Variants in SHISA5 observed in about 807,000 individuals in gnomAD.
The protein encoded by SHISA5 is protein shisa-5.
Under a neutral mutation model 27.5 loss-of-function variants are expected in SHISA5, and 21 were observed. The ratio of observed to expected loss-of-function variants is 0.76; its 90% confidence interval spans 0.54 to 1.10. The LOEUF (loss-of-function observed/expected upper bound fraction) is 1.10, where lower values mean the gene tolerates loss of function less well. Among genes scored for constraint, SHISA5 ranks in the 50% least tolerant of loss-of-function variants. SHISA5 has a pLI of 0.00. For synonymous variants in SHISA5, 137 were observed against 142.2 expected, an observed-to-expected ratio of 0.96 and a Z score of 0.26; for missense variants, 314 against 336.3, an observed-to-expected ratio of 0.93 and a Z score of 0.52.
rs1338054986 is a variant in SHISA5, at chr3:48,486,663, C to T, written c.234-7406G>A. 2.1e-5 allele frequency among the ~76,000 whole-genome samples: 3 copies of T among 140,162 alleles called. No homozygotes were observed. The South Asian group carries it at 6.4e-4, about 30-fold the overall frequency. The allele number at this position is 140,162 out of a possible 152,430, so 92.0% of individuals were successfully genotyped here. On this transcript the variant is annotated intron_variant, in intron 2 of 5. Coordinates refer to ENST00000296444, the MANE Select transcript of SHISA5 (RefSeq NM_016479.6). Reference sequence around the variant, plus strand: ...ATCCCAGCACTTTGGGAGGCGGAGGCGGGTGGATCACCTGAGGTCAGGAGT... The same window carrying T: ...ATCCCAGCACTTTGGGAGGCGGAGGTGGGTGGATCACCTGAGGTCAGGAGT...
intron 2 of SHISA5, among the ~76,000 whole-genome samples, chr3:48,495,918 A>T (rs1213592568): frequency 2.0e-5 from 3 of 147,158 alleles, no homozygotes; most frequent in African/African-American, 8.1e-5. Flanking sequence ...TGGGAGGCCA[A>T]GGAGGGCAGA....
At chr3:48,503,730 T>C in intron 1 of SHISA5, 1 of 1,210,996 alleles carries the variant, frequency 8.3e-7, no homozygotes, top group Non-Finnish European at 1.0e-6. Flanking sequence ...CCCTAGCCTC[T>C]GGGGACTCCA....
intron 2 of SHISA5, among the ~76,000 whole-genome samples, chr3:48,484,499 G>A (rs1361657897): frequency 6.6e-6 from 1 of 152,124 alleles, no homozygotes; most frequent in Non-Finnish European, 1.5e-5. Flanking sequence ...AGGAGGCGGA[G>A]ACAGGAGAAT....
Position 48,495,082 on chromosome 3 carries a change from C to G in SHISA5, c.233+6055G>C, listed in dbSNP as rs1452754249. Among the ~76,000 whole-genome samples, 10 of 146,804 alleles carry G rather than the reference C, an allele frequency of 6.8e-5. No individual in the cohort carries two copies. In the East Asian group the frequency reaches 1.9e-3, roughly 28 times the overall value. On this transcript the variant is annotated intron_variant, in intron 2 of 5. Transcript: ENST00000296444. Reference sequence around the variant, plus strand: ...TCAGCCTCCCAAAGTGCTGGGATTACAGGTGTGAGCCACTCCACCTAGCCT... The same window carrying G: ...TCAGCCTCCCAAAGTGCTGGGATTAGAGGTGTGAGCCACTCCACCTAGCCT...
chr3:48,489,855 C>A (rs374104617), intron 2 of SHISA5, among the ~76,000 whole-genome samples: 19 of 151,824 alleles, frequency 1.3e-4, no homozygotes, highest in African/African-American at 4.6e-4. Flanking sequence ...GTCTTGAACT[C>A]CTGGGCTCAA....
At chr3:48,494,974 AT>A (rs1414758482) in intron 2 of SHISA5, among the ~76,000 whole-genome samples, 3 of 145,384 alleles carry the variant, frequency 2.1e-5, no homozygotes, top group African/African-American at 5.5e-5. Context: ...TTATATATCT[AT>A]TTTTTTTTCT....
intron 2 of SHISA5, among the ~76,000 whole-genome samples, chr3:48,499,250 C>T (rs1444144030): frequency 6.6e-6 from 1 of 152,118 alleles, no homozygotes; most frequent in Non-Finnish European, 1.5e-5. Context: ...TCACGACTTA[C>T]TGCAGTCTCA....
intron 1 of SHISA5, chr3:48,503,813 G>A: frequency 7.9e-7 from 1 of 1,258,386 alleles, no homozygotes. Flanking sequence ...CAGCTGCCTG[G>A]TGTCTAGGCA....
At chr3:48,484,092 T>G (rs2041120428) in intron 2 of SHISA5, among the ~76,000 whole-genome samples, 1 of 152,132 alleles carries the variant, frequency 6.6e-6, no homozygotes, top group Non-Finnish European at 1.5e-5. Context: ...AGAAAAGTGG[T>G]GGGACATATA....
chr3:48,480,956 G>A (rs987901700), intron 2 of SHISA5, among the ~76,000 whole-genome samples: 2 of 151,388 alleles, frequency 1.3e-5, no homozygotes, highest in African/African-American at 2.4e-5. Flanking sequence ...TTAGCCAGGC[G>A]TGGTGGCGGG....
chr3:48,472,802 C>T (rs2040683934), intron 3 of SHISA5, among the ~76,000 whole-genome samples: 1 of 152,192 alleles, frequency 6.6e-6, no homozygotes, highest in Admixed American at 6.5e-5. Flanking sequence ...AAGCAGGAGC[C>T]ATCAGCCCCA....
chr3:48,477,810 G>C (rs932448935), intron 3 of SHISA5, among the ~76,000 whole-genome samples: 3 of 152,114 alleles, frequency 2.0e-5, no homozygotes, highest in African/African-American at 4.8e-5. Flanking sequence ...TGTGGGAGCT[G>C]CTGAATGTAA....
In SHISA5 at chr3:48,473,381, C is replaced by A. The variant is rs1019181790; in HGVS notation, c.315-3538G>T. ...AGAGCCACCCCAGCCTCAGTGGGCC[C>A]CAACCACACTCTAGCTCAGCAGCAC... On this transcript the variant is annotated intron_variant, in intron 3 of 5. Transcript: ENST00000296444. The surrounding 1 kb of genome is among the most constrained non-coding windows in gnomAD (Gnocchi z 4.3). 1.5e-6 allele frequency: 2 copies of A among 1,335,152 alleles called. No homozygotes were observed. Among genetic ancestry groups the A allele is most frequent in the South Asian group, 2.5e-5 (2 of 81,286 alleles). 82.7% of individuals were successfully genotyped at this position (1,335,152 alleles called of 1,614,324 possible).
In SHISA5 at chr3:48,501,277, A is replaced by G. The variant is rs1489084310; in HGVS notation, c.93T>C (p.Cys31=). ...TPPPGARGEV[C]MASRGLSLFP... is the part of the protein sequence containing the mutation. ...AGAGGCTGAGTCCACGGGAAGCCAT[A>G]CACACCTCACCACGTGCTGGAGAGG... Residue 31 remains cysteine (C), a synonymous_variant, in exon 2 of 6, where the codon TGT becomes TGC. Coordinates refer to ENST00000296444, the MANE Select transcript of SHISA5 (RefSeq NM_016479.6). 4 of 1,613,914 alleles carry G rather than the reference A, an allele frequency of 2.5e-6. No homozygotes were observed. In the African/African-American group the frequency reaches 4.0e-5, roughly 16 times the overall value.
At position 48,473,407 on chromosome 3, in the gene SHISA5, C is replaced by A; in HGVS notation, c.315-3564G>T. ...CAACCACACTCTAGCTCAGCAGCACCCCCACCCCCACTTCCACCTAACCCA... is the reference window on the plus strand; with the variant it reads ...CAACCACACTCTAGCTCAGCAGCACACCCACCCCCACTTCCACCTAACCCA... On this transcript the variant is annotated intron_variant, in intron 3 of 5. Transcript: ENST00000296444. The surrounding 1 kb of genome is among the most constrained non-coding windows in gnomAD (Gnocchi z 4.3). 7.6e-7 allele frequency: 1 copy of A among 1,313,264 alleles called. No homozygotes were observed. The highest frequency in any genetic ancestry group is 1.0e-6 in the Non-Finnish European group (1 of 1,004,954). The allele number at this position is 1,313,264 out of a possible 1,614,324, so 81.4% of individuals were successfully genotyped here.
At chr3:48,487,014 G>A (rs1384418106) in intron 2 of SHISA5, among the ~76,000 whole-genome samples, 8 of 151,962 alleles carry the variant, frequency 5.3e-5, no homozygotes, top group Non-Finnish European at 7.4e-5. Flanking sequence ...GGGAGGCCAA[G>A]TTGGAAGGAT....
intron 2 of SHISA5, among the ~76,000 whole-genome samples, chr3:48,481,878 T>C (rs2041031527): frequency 6.6e-6 from 1 of 151,396 alleles, no homozygotes; most frequent in Non-Finnish European, 1.5e-5. Context: ...CCATCCTGGC[T>C]AACACAGTGA....
chr3:48,468,172 T>C lies in SHISA5; in HGVS notation c.*935A>G. 1 of 1,000,452 alleles carries C rather than the reference T, an allele frequency of 1.0e-6. No homozygotes were observed. Among genetic ancestry groups the C allele is most frequent in the Non-Finnish European group, 1.2e-6 (1 of 837,790 alleles). The allele number at this position is 1,000,452 out of a possible 1,614,324, so 62.0% of individuals were successfully genotyped here. Reference sequence around the variant, plus strand: ...TCACAGTTGCCAGGTTGTCCATCTCTGAGCCAATTTCCCTCCACAACCCAG... The same window carrying C: ...TCACAGTTGCCAGGTTGTCCATCTCCGAGCCAATTTCCCTCCACAACCCAG... On this transcript the variant is annotated 3_prime_UTR_variant, in exon 6 of 6. Transcript: ENST00000296444.
intron 3 of SHISA5, among the ~76,000 whole-genome samples, chr3:48,472,234 T>C (rs934647311): frequency 1.3e-5 from 2 of 151,858 alleles, no homozygotes; most frequent in African/African-American, 4.8e-5. Flanking sequence ...ATGCCTGTAA[T>C]CCTAACACTT....
Sources: gnomAD v4.1 joint callset for allele counts (sites outside exome capture counted in the v4.1 genomes callset) on GRCh38, gnomAD v4.1.1 for gene constraint, Gnocchi (gnomAD v3.1) non-coding constraint, MANE v1.5 for transcripts, NCBI Gene and HGNC (gene_info 2026-07-23, HGNC 2026-07-21) for gene names.